The following ZNF577 variants were observed in gnomAD, a reference collection of about 807,000 sequenced individuals.
The protein encoded by ZNF577 is zinc finger protein 577.
In ZNF577, 14 loss-of-function variants were observed where a neutral mutation model predicts 13.9. That is an observed-to-expected ratio of 1.00 (90% CI 0.66 to 1.57). ZNF577 has a LOEUF of 1.57. Ranked by LOEUF, ZNF577 falls within the 40% of genes most tolerant of loss-of-function variation. ZNF577 has a pLI of 0.00. For synonymous variants in ZNF577, 203 were observed against 202.9 expected, an observed-to-expected ratio of 1.00 and a Z score of 0.00; for missense variants, 555 against 579.2, an observed-to-expected ratio of 0.96 and a Z score of 0.43.
chr19:51,866,466 G>A (rs1391841677), downstream of ZNF577, among the ~76,000 whole-genome samples: 2 of 152,196 alleles, frequency 1.3e-5, no homozygotes, highest in Non-Finnish European at 2.9e-5. Context: ...CCCTGGATAA[G>A]CTTGGAAGTG....
At chr19:51,858,733 A>G (rs528804200) in intron 5 of ZNF577, among the ~76,000 whole-genome samples, 89 of 152,338 alleles carry the variant, frequency 5.8e-4, no homozygotes, top group Admixed American at 1.2e-3. Context: ...AATACCCACT[A>G]GAAGTTTTAT....
intron 5 of ZNF577, among the ~76,000 whole-genome samples, chr19:51,848,070 G>A (rs1024542666): frequency 5.3e-5 from 8 of 152,156 alleles, no homozygotes; most frequent in African/African-American, 1.7e-4. Context: ...CATTCTAGGC[G>A]ACCGGATTCC....
chr19:51,857,777 C>T (rs962415647), intron 5 of ZNF577, among the ~76,000 whole-genome samples: 23 of 152,118 alleles, frequency 1.5e-4, no homozygotes, highest in African/African-American at 4.3e-4. Flanking sequence ...CACACACACA[C>T]GCACACACAC....
Position 51,870,899 on chromosome 19 carries a change from T to TA in ZNF577, c.*1632dup, listed in dbSNP as rs1286214519. Among the ~76,000 whole-genome samples, 1 of 152,200 alleles carries TA rather than the reference T, an allele frequency of 6.6e-6. No homozygotes were observed. The highest frequency in any genetic ancestry group is 1.5e-5 in the Non-Finnish European group (1 of 68,028). On this transcript the variant is annotated 3_prime_UTR_variant, in exon 6 of 6. Transcript: ENST00000638348. ...TCCTTTCTGTCATGGAAAGCTGTCC[T>TA]AAGCCCTTTACTTCTCAATGTCTGA...
intron 9 of ZNF577, chr19:51,825,026 G>A: frequency 1.9e-6 from 1 of 527,826 alleles, no homozygotes; most frequent in Non-Finnish European, 3.5e-6. Flanking sequence ...TCTACCTGGA[G>A]CTACTGTCAG....
intron 5 of ZNF577, among the ~76,000 whole-genome samples, chr19:51,854,907 C>A (rs2122574439): frequency 6.6e-6 from 1 of 152,202 alleles, no homozygotes; most frequent in African/African-American, 2.4e-5. Context: ...TTTGCTTATT[C>A]TGTCTTCTGC....
At chr19:51,873,740 C>A in intron 5 of ZNF577, 34 bp from the exon 6 acceptor site, 1 of 1,492,758 alleles carries the variant, frequency 6.7e-7, no homozygotes, top group South Asian at 1.2e-5. Flanking sequence ...CAATGCGAGC[C>A]AAACTTATTG....
chr19:51,817,336 T>C (rs1599838273), intron 9 of ZNF577, among the ~76,000 whole-genome samples: 1 of 152,290 alleles, frequency 6.6e-6, no homozygotes, highest in East Asian at 1.9e-4. Context: ...ACTAAAGTTC[T>C]ATGTCACCAA....
At chr19:51,828,770 G>A (rs887965312) in intron 9 of ZNF577, among the ~76,000 whole-genome samples, 2 of 152,126 alleles carry the variant, frequency 1.3e-5, no homozygotes, top group Non-Finnish European at 2.9e-5. Flanking sequence ...CTGCTTGCTG[G>A]TTTTAGATTT....
intron 5 of ZNF577, among the ~76,000 whole-genome samples, chr19:51,875,363 CAA>C (rs538987406): frequency 0.011 from 691 of 63,770 alleles, 1 homozygote; most frequent in African/African-American, 0.031. Flanking sequence ...AACTCTGTCA[CAA>C]AAAAAAAAAA....
intron 9 of ZNF577, among the ~76,000 whole-genome samples, chr19:51,835,343 A>G (rs56177367): frequency 0.38 from 57,701 of 151,266 alleles, 11,182 homozygotes; most frequent in South Asian, 0.48. Flanking sequence ...AAACTGTCAT[A>G]AAAAGAATTA....
chr19:51,832,074 C>G (rs915089106), intron 9 of ZNF577, among the ~76,000 whole-genome samples: 1 of 152,160 alleles, frequency 6.6e-6, no homozygotes, highest in Non-Finnish European at 1.5e-5. Flanking sequence ...TTGTCAATCA[C>G]AAAATCACCT....
chr19:51,807,184 C>T (rs1381063192), intron 10 of ZNF577, among the ~76,000 whole-genome samples: 3 of 150,708 alleles, frequency 2.0e-5, no homozygotes, highest in Non-Finnish European at 2.9e-5. Flanking sequence ...CACAGCCCTC[C>T]GTATTTATCA....
chr19:51,822,342 G>A (rs1180048581), intron 9 of ZNF577, among the ~76,000 whole-genome samples: 2 of 152,094 alleles, frequency 1.3e-5, no homozygotes, highest in African/African-American at 4.8e-5. Flanking sequence ...AGATATGCCC[G>A]CAAAGATGGA....
In ZNF577 at chr19:51,872,157, G is replaced by A. The variant is rs1359351725; in HGVS notation, c.*375C>T. On this transcript the variant is annotated 3_prime_UTR_variant, in exon 6 of 6. Transcript: ENST00000638348. ...TTGCCATCATTTCTTACTTTCAAGA[G>A]TTTTTCTTTTCTACAAATTCTCCCA... The A allele has an allele frequency of 6.1e-6, 1 of 163,674 alleles. No homozygotes were observed. The highest frequency in any genetic ancestry group is 1.3e-5 in the Non-Finnish European group (1 of 75,870). 10.1% of individuals were successfully genotyped at this position (163,674 alleles called of 1,614,324 possible).
intron 9 of ZNF577, among the ~76,000 whole-genome samples, chr19:51,838,273 C>T (rs1249563172): frequency 6.6e-6 from 1 of 151,980 alleles, no homozygotes; most frequent in Admixed American, 6.6e-5. Flanking sequence ...ATACACAATT[C>T]TAGATGGAAA....
At chr19:51,832,462 C>A (rs1599845753) in intron 9 of ZNF577, among the ~76,000 whole-genome samples, 1 of 152,014 alleles carries the variant, frequency 6.6e-6, no homozygotes, top group African/African-American at 2.4e-5. Flanking sequence ...CTCAAGTGAT[C>A]CTCCTGCCTC....
chr19:51,863,229 A>G (rs2084523231), downstream of ZNF577: 1 of 152,218 alleles, frequency 6.6e-6, no homozygotes, highest in Admixed American at 6.5e-5. Flanking sequence ...CTGCACATTC[A>G]CTGCATCCAT....
intron 9 of ZNF577, among the ~76,000 whole-genome samples, chr19:51,835,983 G>A (rs996720826): frequency 6.6e-6 from 1 of 152,134 alleles, no homozygotes; most frequent in South Asian, 2.1e-4. Context: ...GTGAGCCACC[G>A]CACCCGACCT....
Sources: allele counts gnomAD v4.1 joint callset (sites outside exome capture counted in the v4.1 genomes callset), GRCh38; gene constraint gnomAD v4.1.1; transcripts MANE v1.5; gene names NCBI Gene and HGNC (gene_info 2026-07-23, HGNC 2026-07-21).